The following MLIP variants were observed in gnomAD, a reference collection of about 807,000 sequenced individuals.
MLIP encodes muscular LMNA interacting protein.
In MLIP, 79 loss-of-function variants were observed where a neutral mutation model predicts 84.8. The observed-to-expected ratio is 0.93, with a 90% CI of 0.78 to 1.12. The LOEUF is 1.12. Ranked by LOEUF, MLIP falls within the 50% of genes most tolerant of loss-of-function variation. The probability of loss-of-function intolerance (pLI) is 0.00; values close to 1 mark genes in which losing one functional copy is unlikely to be tolerated. For synonymous variants in MLIP, 504 were observed against 463.0 expected (o/e 1.09, Z -1.14); for missense variants, 1,257 against 1,160.6 (o/e 1.08, Z -1.21).
chr6:54,211,695 G>C (rs914950904), intron 11 of MLIP, among the ~76,000 whole-genome samples: 12 of 152,202 alleles, frequency 7.9e-5, no homozygotes, highest in African/African-American at 2.9e-4. Context: ...AAAGTGGGAT[G>C]CTACTAGCAT....
intron 11 of MLIP, among the ~76,000 whole-genome samples, chr6:54,223,374 T>C (rs1012101503): frequency 2.0e-5 from 3 of 152,028 alleles, no homozygotes; most frequent in Non-Finnish European, 4.4e-5. Flanking sequence ...CTAGTAGTTA[T>C]ACAGTTTTGA....
intron 1 of MLIP, among the ~76,000 whole-genome samples, chr6:54,059,777 A>G (rs78541264): frequency 0.039 from 4,550 of 117,264 alleles, 97 homozygotes; most frequent in Middle Eastern, 0.073. Context: ...ATGGATATGT[A>G]AAGAGAAAAA....
chr6:54,171,608 A>C (rs908673632), intron 9 of MLIP, among the ~76,000 whole-genome samples: 1 of 151,418 alleles, frequency 6.6e-6, no homozygotes, highest in Admixed American at 6.6e-5. Context: ...GAAAAGATTA[A>C]ATTTTAGAGC....
chr6:54,036,753 T>G (rs1764468386), intron 1 of MLIP, among the ~76,000 whole-genome samples: 1 of 151,934 alleles, frequency 6.6e-6, no homozygotes, highest in African/African-American at 2.4e-5. Flanking sequence ...CCAAAGGAAA[T>G]GAAATCAGTA....
intron 11 of MLIP, among the ~76,000 whole-genome samples, chr6:54,224,671 G>T (rs1780455011): frequency 6.6e-6 from 1 of 151,902 alleles, no homozygotes; most frequent in African/African-American, 2.4e-5. Flanking sequence ...TGAGACCCTG[G>T]TTCTCCCATC....
chr6:54,089,781 C>T (rs689298), intron 1 of MLIP, among the ~76,000 whole-genome samples: 124,513 of 152,110 alleles, frequency 0.82, 52,268 homozygotes, highest in East Asian at 0.96. Context: ...TTCTAAAGTA[C>T]AGCCTGAACT....
At chr6:54,061,751 T>A (rs1213294403) in intron 1 of MLIP, among the ~76,000 whole-genome samples, 2 of 152,170 alleles carry the variant, frequency 1.3e-5, no homozygotes, top group Non-Finnish European at 2.9e-5. Context: ...ATGCAACTTG[T>A]AAAAATACTA....
chr6:54,073,579 C>T (rs536792946), intron 1 of MLIP, among the ~76,000 whole-genome samples: 5 of 152,198 alleles, frequency 3.3e-5, no homozygotes, highest in Non-Finnish European at 5.9e-5. Context: ...TTTAAAATTT[C>T]CCAAAAGCTT....
chr6:54,193,304 G>A (rs1183548821), intron 10 of MLIP, among the ~76,000 whole-genome samples: 1 of 152,206 alleles, frequency 6.6e-6, no homozygotes, highest in African/African-American at 2.4e-5. Context: ...GACTCTGTCA[G>A]CCTGAAGGGA....
chr6:54,118,893 C>G (rs1055310223), intron 1 of MLIP, among the ~76,000 whole-genome samples: 1 of 152,032 alleles, frequency 6.6e-6, no homozygotes, highest in Admixed American at 6.6e-5. Flanking sequence ...CACAAATGGC[C>G]AACAGGTATA....
At chr6:54,213,736 A>AACAC (rs1779652253) in intron 11 of MLIP, among the ~76,000 whole-genome samples, 1 of 144,846 alleles carries the variant, frequency 6.9e-6, no homozygotes, top group Non-Finnish European at 1.5e-5. Flanking sequence ...AAAAAAAAAA[A>AACAC]CAACAAACAG....
intron 10 of MLIP, among the ~76,000 whole-genome samples, chr6:54,197,992 A>C (rs17755363): frequency 6.6e-6 from 1 of 152,098 alleles, no homozygotes; most frequent in Non-Finnish European, 1.5e-5. Flanking sequence ...TGAGGAATTA[A>C]TAAAGCATAG....
At chr6:54,222,782 G>T (rs74883093) in intron 11 of MLIP, among the ~76,000 whole-genome samples, 237 of 151,926 alleles carry the variant, frequency 1.6e-3, no homozygotes, top group African/African-American at 5.5e-3. Flanking sequence ...TTTAAATTTT[G>T]GGGGGAAACT....
chr6:54,261,618 T>A, intron 13 of MLIP: 1 of 985,204 alleles, frequency 1.0e-6, no homozygotes, highest in Non-Finnish European at 1.2e-6. Flanking sequence ...CTGAGTTTAT[T>A]TTATTTTGAA....
At position 54,198,433 on chromosome 6, in the gene MLIP, T is replaced by A. The variant is rs9395912; in HGVS notation, c.2590-3672T>A. 2.8e-3 allele frequency among the ~76,000 whole-genome samples: 432 copies of A among 152,308 alleles called. 7 individuals carry two copies. The highest frequency in any genetic ancestry group is 0.022 in the South Asian group (105 of 4,830). On this transcript the variant is annotated intron_variant, in intron 10 of 13. Transcript: ENST00000502396. ...TAACTAATATTCCAAGAGAGACTTA[T>A]GTGTGATGGCAACAGTGCCAGTTGC...
At chr6:54,194,854 G>T (rs1778185168) in intron 10 of MLIP, among the ~76,000 whole-genome samples, 1 of 150,856 alleles carries the variant, frequency 6.6e-6, no homozygotes, top group Non-Finnish European at 1.5e-5. Context: ...AATCTCTTTT[G>T]TTTTTTCCAA....
At chr6:54,035,959 G>T (rs879844671) in intron 1 of MLIP, among the ~76,000 whole-genome samples, 15 of 152,102 alleles carry the variant, frequency 9.9e-5, no homozygotes, top group Middle Eastern at 3.4e-3. Flanking sequence ...GCAGAGCAAA[G>T]ATTTTAATTT....
At position 54,121,442 on chromosome 6, in the gene MLIP, C is replaced by G; in HGVS notation, c.97-5C>G. 6 of 1,613,752 alleles carry G rather than the reference C, an allele frequency of 3.7e-6. No individual in the cohort carries two copies. The East Asian group carries it at 8.9e-5, about 24-fold the overall frequency. On this transcript the variant is annotated splice_polypyrimidine_tract_variant and splice_region_variant and intron_variant, in intron 1 of 13. Transcript: ENST00000502396. ...TGAAAGTCTAATTAACTACATGTCT[C>G]ATAGGTCTCTGCTGGTGGTTCTGAA...
Position 54,124,848 on chromosome 6 carries a change from C to T in MLIP, c.628C>T (p.Gln210Ter). The T allele has an allele frequency of 6.3e-7, 1 of 1,592,444 alleles. No homozygotes were observed. The highest frequency in any genetic ancestry group is 8.6e-7 in the Non-Finnish European group (1 of 1,169,182). The change falls in exon 3 of 14, where the codon CAG (glutamine) becomes TAG (stop). Residue 210 changes from glutamine (Q) to a stop codon, truncating the protein, a stop_gained. Coordinates refer to ENST00000502396, the MANE Select transcript of MLIP (RefSeq NM_001281747.2). LOFTEE classifies it high-confidence loss of function. ...HPEMLHGMAPQQKHGQLTSSP... is the reference protein window; with the variant it reads ...HPEMLHGMAP Reference sequence around the variant, plus strand: ...TGAAATGCTTCATGGGATGGCCCCTCAGCAAAAGCATGGGCAGGTAGGTTT... The same window carrying T: ...TGAAATGCTTCATGGGATGGCCCCTTAGCAAAAGCATGGGCAGGTAGGTTT...
Sources: allele counts gnomAD v4.1 joint callset (sites outside exome capture counted in the v4.1 genomes callset), GRCh38; gene constraint gnomAD v4.1.1; transcripts MANE v1.5; gene names NCBI Gene and HGNC (gene_info 2026-07-23, HGNC 2026-07-21).